Variants in IQCB1 observed in about 807,000 individuals in gnomAD.
IQCB1 encodes IQ calmodulin-binding motif-containing protein 1.
In IQCB1, 56 loss-of-function variants were observed where a neutral mutation model predicts 84.4. That is an observed-to-expected ratio of 0.66 (90% CI 0.54 to 0.83). The LOEUF (loss-of-function observed/expected upper bound fraction) is 0.83, where lower values mean the gene tolerates loss of function less well. IQCB1 is among the 40% of genes least tolerant of loss of function. The probability of loss-of-function intolerance (pLI) is 0.00; values close to 1 mark genes in which losing one functional copy is unlikely to be tolerated. For synonymous variants in IQCB1, 210 were observed against 234.8 expected (o/e 0.89, Z 0.96); for missense variants, 629 against 682.1 (o/e 0.92, Z 0.87).
rs781628210 is a variant in IQCB1 at position 121,788,339 on chromosome 3, T to A, written c.1223A>T (p.His408Leu). The A allele has an allele frequency of 1.2e-5, 20 of 1,613,922 alleles. No individual in the cohort carries two copies. The highest frequency in any genetic ancestry group is 1.4e-5 in the Non-Finnish European group (16 of 1,179,890). Residue 408 changes from histidine to leucine, a missense_variant, in exon 12 of 15, where the codon CAC becomes CTC. By Grantham distance (99) the His-to-Leu change is moderately conservative. Transcript: ENST00000310864. The stretch of plus-strand genomic sequence containing the variant: ...CTCTATGAGAGACTGCCTCTGTTGG[T>A]GAAAATTTTTCCTTTCCCTGTACCC... ...WRGYRERKNF[H>L]QQRQSLIEYK...
chr3:121,781,801 G>C lies in IQCB1; in HGVS notation c.1352C>G (p.Thr451Ser). 1 of 1,613,852 alleles carries C rather than the reference G, an allele frequency of 6.2e-7. No homozygotes were observed. The highest frequency in any genetic ancestry group is 1.1e-5 in the South Asian group (1 of 91,068). Residue 451 changes from threonine to serine, a missense_variant, in exon 13 of 15, where the codon ACT (threonine) becomes AGT (serine). Physicochemically the swap from Thr to Ser is moderately conservative, Grantham distance 58. Coordinates refer to ENST00000310864, the MANE Select transcript of IQCB1 (RefSeq NM_001023570.4). ...FAPWRGLQEL[T>S]DARRVELKKR... is the part of the protein sequence containing the mutation. Reference sequence around the variant, plus strand: ...CTTCAGTTCAACTCGGCGTGCATCAGTGAGTTCTTGGAGTCCTCGCCAAGG... The same window carrying C: ...CTTCAGTTCAACTCGGCGTGCATCACTGAGTTCTTGGAGTCCTCGCCAAGG...
chr3:121,824,669 A>T lies in IQCB1; in HGVS notation c.393+1382T>A, dbSNP rs1950398644. ...ATAATAGCTTTCATTCATCCAGAAG[A>T]TATAATATTCCTAAATGTGTATGTA... On this transcript the variant is annotated intron_variant, in intron 5 of 14. Transcript: ENST00000310864. 2.0e-5 allele frequency among the ~76,000 whole-genome samples: 3 copies of T among 152,170 alleles called. No homozygotes were observed. The South Asian group carries it at 6.2e-4, about 31-fold the overall frequency.
chr3:121,810,065 T>C (rs930762812), intron 5 of IQCB1, among the ~76,000 whole-genome samples: 1 of 152,006 alleles, frequency 6.6e-6, no homozygotes, highest in Non-Finnish European at 1.5e-5. Context: ...GCATGGTAAT[T>C]CTCATTGTTG....
In IQCB1 at chr3:121,828,927, A is replaced by G; in HGVS notation, c.34T>C (p.Ser12Pro). 1 of 1,611,650 alleles carries G rather than the reference A, an allele frequency of 6.2e-7. No homozygotes were observed. The highest frequency in any genetic ancestry group is 1.1e-5 in the South Asian group (1 of 91,002). Residue 12 changes from serine to proline, a missense_variant, in exon 3 of 15, where the codon TCT (serine) becomes CCT (proline). Transcript: ENST00000310864. Reference protein sequence around the residue: ...KPTGTDPRILSIAAEVAKSPE... With the variant: ...KPTGTDPRILPIAAEVAKSPE... ...CTTTTTGCAACTTCAGCAGCTATAG[A>G]TAAGATCCTTGGGTCTGTACCTGTT...
At chr3:121,814,428 T>G (rs1250879632) in intron 5 of IQCB1, among the ~76,000 whole-genome samples, 2 of 152,000 alleles carry the variant, frequency 1.3e-5, no homozygotes, top group South Asian at 2.1e-4. Context: ...AGAGCAGAAC[T>G]GAAGGAGATA....
chr3:121,778,224 T>C (rs1163557885), intron 13 of IQCB1, among the ~76,000 whole-genome samples: 1 of 152,204 alleles, frequency 6.6e-6, no homozygotes, highest in African/African-American at 2.4e-5. Context: ...CACTTTTTAA[T>C]GGGGTTGTCT....
chr3:121,817,720 T>G (rs1436958040), intron 5 of IQCB1, among the ~76,000 whole-genome samples: 1 of 152,142 alleles, frequency 6.6e-6, no homozygotes. Context: ...GGACTGTTTG[T>G]GTCCCTGAAA....
chr3:121,797,363 T>A (rs1467260140), intron 8 of IQCB1, 136 bp from the exon 9 acceptor site: 1 of 498,228 alleles, frequency 2.0e-6, no homozygotes, highest in Non-Finnish European at 3.5e-6. Context: ...ATGATTTTTC[T>A]TTTTCCTTTT....
At chr3:121,781,969 A>G in intron 12 of IQCB1, 95 bp from the exon 13 acceptor site, 2 of 1,225,970 alleles carry the variant, frequency 1.6e-6, no homozygotes, top group Non-Finnish European at 2.4e-6. Flanking sequence ...ACATTGCAAT[A>G]ATGATTAACT....
intron 4 of IQCB1, among the ~76,000 whole-genome samples, chr3:121,827,713 G>C (rs1950507127): frequency 6.6e-6 from 1 of 152,046 alleles, no homozygotes; most frequent in Non-Finnish European, 1.5e-5. Context: ...AAGCAGCTTA[G>C]AAATCTAGCA....
At chr3:121,832,353 G>A (rs1950673165) in intron 2 of IQCB1, among the ~76,000 whole-genome samples, 1 of 143,814 alleles carries the variant, frequency 7.0e-6, no homozygotes, top group Non-Finnish European at 1.5e-5. Flanking sequence ...TTGAGAGAGA[G>A]TCTGACTCTG....
intron 2 of IQCB1, among the ~76,000 whole-genome samples, chr3:121,831,882 G>A (rs544863378): frequency 1.3e-5 from 2 of 152,334 alleles, no homozygotes; most frequent in Admixed American, 6.5e-5. Context: ...CTTTCAAAGA[G>A]AGTGCATATA....
chr3:121,824,847 C>G (rs139253609), intron 5 of IQCB1, among the ~76,000 whole-genome samples: 1 of 152,028 alleles, frequency 6.6e-6, no homozygotes, highest in Admixed American at 6.6e-5. Context: ...ATTTAGAAGA[C>G]TTCAACAACT....
chr3:121,785,727 C>T (rs1182165994), intron 12 of IQCB1, among the ~76,000 whole-genome samples: 1 of 152,146 alleles, frequency 6.6e-6, no homozygotes, highest in Non-Finnish European at 1.5e-5. Context: ...ACTTCTTTTT[C>T]ATGCTACATT....
intron 5 of IQCB1, among the ~76,000 whole-genome samples, chr3:121,811,999 C>G (rs969109598): frequency 2.6e-5 from 4 of 152,208 alleles, no homozygotes; most frequent in Non-Finnish European, 5.9e-5. Context: ...TGCCTCCAGA[C>G]TGGGAGACAC....
chr3:121,789,335 A>G (rs1231235568), intron 11 of IQCB1, among the ~76,000 whole-genome samples: 2 of 152,248 alleles, frequency 1.3e-5, no homozygotes, highest in African/African-American at 4.8e-5. Flanking sequence ...TGGTACAGAT[A>G]TACAACCTTT....
chr3:121,803,388 A>G (rs1227060389), intron 7 of IQCB1, among the ~76,000 whole-genome samples: 3 of 152,164 alleles, frequency 2.0e-5, no homozygotes, highest in Non-Finnish European at 4.4e-5. Context: ...ATGGCTCGGA[A>G]TATGCACCCT....
At chr3:121,804,194 A>C (rs1949520606) in intron 7 of IQCB1, among the ~76,000 whole-genome samples, 1 of 152,130 alleles carries the variant, frequency 6.6e-6, no homozygotes, top group African/African-American at 2.4e-5. Flanking sequence ...AGAGTCTTAC[A>C]TCAGTATACT....
intron 10 of IQCB1, among the ~76,000 whole-genome samples, chr3:121,793,970 G>T (rs1559769382): frequency 6.6e-6 from 1 of 152,004 alleles, no homozygotes; most frequent in East Asian, 1.9e-4. Context: ...TAAGATGACA[G>T]GTAACTAAGG....
Sources: gnomAD v4.1 joint callset for allele counts (sites outside exome capture counted in the v4.1 genomes callset) on GRCh38, gnomAD v4.1.1 for gene constraint, MANE v1.5 for transcripts, NCBI Gene and HGNC (gene_info 2026-07-23, HGNC 2026-07-21) for gene names.